Variants in RERE observed in about 807,000 individuals in gnomAD.
RERE encodes the protein arginine-glutamic acid dipeptide repeats protein.
In RERE, 40 loss-of-function variants were observed where a neutral mutation model predicts 146.1. The ratio of observed to expected loss-of-function variants is 0.27; its 90% CI spans 0.21 to 0.36. The LOEUF (loss-of-function observed/expected upper bound fraction) is 0.36, where lower values mean the gene tolerates loss of function less well. RERE is among the 10% of genes least tolerant of loss of function. The pLI, the probability that RERE is intolerant of heterozygous loss-of-function variation, is 1.00. For synonymous variants in RERE, 1,003 were observed against 866.0 expected (o/e 1.16, Z -2.78); for missense variants, 1,933 against 2,138.7 (o/e 0.90, Z 1.90).
chr1:8,609,598 AAAT>A (rs1646766351), intron 4 of RERE, among the ~76,000 whole-genome samples: 2 of 152,238 alleles, frequency 1.3e-5, no homozygotes. Flanking sequence ...AAGCCACAGT[AAAT>A]AATGAAAAAG....
intron 1 of RERE, among the ~76,000 whole-genome samples, chr1:8,715,722 G>C (rs1285445871): frequency 1.3e-5 from 2 of 152,002 alleles, no homozygotes; most frequent in Non-Finnish European, 2.9e-5. Context: ...TGGAAAACAT[G>C]ACAAAACCTT....
At chr1:8,695,959 G>A (rs1639320697) in intron 1 of RERE, among the ~76,000 whole-genome samples, 1 of 152,066 alleles carries the variant, frequency 6.6e-6, no homozygotes, top group Non-Finnish European at 1.5e-5. Context: ...ACATACAAGT[G>A]GCCAACAAAT....
chr1:8,359,524 T>G (rs1179761055), intron 19 of RERE, among the ~76,000 whole-genome samples: 2 of 152,168 alleles, frequency 1.3e-5, no homozygotes, highest in African/African-American at 4.8e-5. Flanking sequence ...GGCCCTCCGG[T>G]AGGAGGACGC....
Position 8,360,827 on chromosome 1 carries a change from G to A in RERE, c.2680C>T (p.Pro894Ser), listed in dbSNP as rs1488675377. The A allele has an allele frequency of 1.9e-6, 3 of 1,552,890 alleles. No individual in the cohort carries two copies. Among genetic ancestry groups the A allele is most frequent in the African/African-American group, 2.7e-5 (2 of 74,000 alleles). Reference sequence around the variant, plus strand: ...GCTGGCAGCTGCAGGGAGGTGTGAGGGTACGCTGCTGCTGGGGAGGTCCCC... The same window carrying A: ...GCTGGCAGCTGCAGGGAGGTGTGAGAGTACGCTGCTGCTGGGGAGGTCCCC... The part of the protein sequence containing the change: ...PLGTSPAAAY[P>S]HTSLQLPASQ... Residue 894 changes from proline (P) to serine (S), a missense_variant, in exon 18 of 23, where the codon CCT (proline) becomes TCT (serine). Physicochemically the swap from Pro to Ser is moderately conservative, Grantham distance 74. Transcript: ENST00000400908.
intron 4 of RERE, among the ~76,000 whole-genome samples, chr1:8,595,492 G>A (rs1455708139): frequency 6.6e-6 from 1 of 150,592 alleles, no homozygotes; most frequent in Non-Finnish European, 1.5e-5. Flanking sequence ...TTATTTTAAT[G>A]TATTTATTTT....
At chr1:8,736,656 A>G (rs1374213689) in intron 1 of RERE, among the ~76,000 whole-genome samples, 1 of 152,174 alleles carries the variant, frequency 6.6e-6, no homozygotes, top group Non-Finnish European at 1.5e-5. Context: ...TATATCATAG[A>G]AGAACAGAGG....
intron 6 of RERE, among the ~76,000 whole-genome samples, chr1:8,544,648 AG>A (rs1645837161): frequency 6.6e-6 from 1 of 152,200 alleles, no homozygotes; most frequent in Non-Finnish European, 1.5e-5. Context: ...AAGGATCTTG[AG>A]GGAACTTCCT....
At chr1:8,430,101 C>G (rs1644075745) in intron 11 of RERE, 1 of 152,184 alleles carries the variant, frequency 6.6e-6, no homozygotes, top group African/African-American at 2.4e-5. Context: ...TGTACTTCAT[C>G]CATATCATCC....
At chr1:8,654,398 C>T (rs889586275) in intron 2 of RERE, among the ~76,000 whole-genome samples, 2 of 152,038 alleles carry the variant, frequency 1.3e-5, no homozygotes, top group South Asian at 2.1e-4. Context: ...TGGAACTTGA[C>T]GTGAAGTTCA....
intron 6 of RERE, among the ~76,000 whole-genome samples, chr1:8,552,153 A>G (rs1196392663): frequency 1.2e-4 from 19 of 152,246 alleles, no homozygotes; most frequent in Admixed American, 1.1e-3. Context: ...GGAAAAAGCT[A>G]TAATCTCACA....
chr1:8,380,340 C>CT (rs34580017), intron 12 of RERE, among the ~76,000 whole-genome samples: 4,628 of 142,252 alleles, frequency 0.033, 105 homozygotes, highest in African/African-American at 0.051. Flanking sequence ...AGTCAACAGG[C>CT]TTTTTTTTTT....
intron 10 of RERE, among the ~76,000 whole-genome samples, chr1:8,492,730 T>C (rs908332867): frequency 3.3e-4 from 50 of 152,108 alleles, no homozygotes; most frequent in African/African-American, 1.2e-3. Flanking sequence ...TGGGACCTCA[T>C]CTTGACAAAA....
intron 1 of RERE, among the ~76,000 whole-genome samples, chr1:8,801,779 CTACTT>C (rs1641596005): frequency 6.6e-6 from 1 of 152,202 alleles, no homozygotes; most frequent in South Asian, 2.1e-4. Context: ...TTCAGCAACT[CTACTT>C]AAGAGCTTAT....
chr1:8,604,789 A>G (rs1483178362), intron 4 of RERE, among the ~76,000 whole-genome samples: 3 of 152,236 alleles, frequency 2.0e-5, no homozygotes, highest in Non-Finnish European at 4.4e-5. Flanking sequence ...TTATGTTTAT[A>G]GAGAAATGCA....
chr1:8,488,662 G>A (rs1343931791), intron 10 of RERE, among the ~76,000 whole-genome samples: 1 of 152,160 alleles, frequency 6.6e-6, no homozygotes, highest in Non-Finnish European at 1.5e-5. Context: ...AGACACCCCT[G>A]AGGTCAAGAC....
chr1:8,811,699 C>T (rs1641814221), intron 1 of RERE, among the ~76,000 whole-genome samples: 1 of 152,186 alleles, frequency 6.6e-6, no homozygotes, highest in Admixed American at 6.5e-5. Context: ...TGCATGGCTG[C>T]GTGAGCTAGA....
chr1:8,725,928 A>G (rs955399906), intron 1 of RERE, among the ~76,000 whole-genome samples: 1 of 150,970 alleles, frequency 6.6e-6, no homozygotes, highest in African/African-American at 2.4e-5. Context: ...ACTTTGTTTT[A>G]AAAAGTTGTT....
At chr1:8,587,553 T>C (rs1646440933) in intron 4 of RERE, among the ~76,000 whole-genome samples, 1 of 152,210 alleles carries the variant, frequency 6.6e-6, no homozygotes, top group African/African-American at 2.4e-5. Flanking sequence ...ATACAGTTCA[T>C]GTGAACTGTC....
rs533934757 is a variant in RERE at position 8,653,861 on chromosome 1, C to CT, written c.325+2111_325+2112insA. ...AGTCTACATCAAAGATAAATACAGA[C>CT]AGTACTGTAACCTACACACATCATT... On this transcript the variant is annotated intron_variant, in intron 2 of 22. Transcript: ENST00000400908. Among the ~76,000 whole-genome samples, 21 of 152,184 alleles carry CT rather than the reference C, an allele frequency of 1.4e-4. No homozygotes were observed. The East Asian group carries it at 4.0e-3, about 29-fold the overall frequency.
Sources: allele counts gnomAD v4.1 joint callset (sites outside exome capture counted in the v4.1 genomes callset), GRCh38; gene constraint gnomAD v4.1.1; transcripts MANE v1.5; gene names NCBI Gene and HGNC (gene_info 2026-07-23, HGNC 2026-07-21).